USP4: variants seen among roughly 807,000 people sequenced by gnomAD.
USP4 encodes the protein ubiquitin carboxyl-terminal hydrolase 4.
Under a neutral mutation model 118.2 loss-of-function variants are expected in USP4, and 72 were observed. The ratio of observed to expected loss-of-function variants is 0.61; its 90% CI spans 0.50 to 0.74. The LOEUF is 0.74. Ranked by LOEUF, USP4 falls within the 30% of genes least tolerant of loss-of-function variation. The probability of loss-of-function intolerance (pLI) is 0.00; values close to 1 mark genes in which losing one functional copy is unlikely to be tolerated. For synonymous variants in USP4, 415 were observed against 440.4 expected (o/e 0.94, Z 0.72); for missense variants, 1,037 against 1,185.7 (o/e 0.87, Z 1.84).
chr3:49,324,404 A>C (rs1427037070), intron 6 of USP4, among the ~76,000 whole-genome samples: 1 of 152,152 alleles, frequency 6.6e-6, no homozygotes, highest in Non-Finnish European at 1.5e-5. Context: ...GACAAAAACA[A>C]AGCAACCTCC....
intron 11 of USP4, among the ~76,000 whole-genome samples, chr3:49,298,844 G>GGC (rs2047235396): frequency 6.6e-6 from 1 of 152,166 alleles, no homozygotes; most frequent in South Asian, 2.1e-4. Context: ...ATGGGGGCTA[G>GGC]GCCATCTCTT....
chr3:49,311,846 G>A (rs1438015780), intron 6 of USP4, 192 bp from the exon 7 acceptor site: 2 of 1,282,648 alleles, frequency 1.6e-6, no homozygotes, highest in African/African-American at 3.0e-5. Flanking sequence ...TGGTCTTCCT[G>A]TCACATCAGT....
chr3:49,283,094 C>T (rs1329981419), intron 19 of USP4, among the ~76,000 whole-genome samples: 1 of 142,510 alleles, frequency 7.0e-6, no homozygotes, highest in Non-Finnish European at 1.5e-5. Context: ...TGGCTCACTG[C>T]AACTTTTGCC....
chr3:49,290,066 G>A (rs2107770802), intron 15 of USP4, among the ~76,000 whole-genome samples: 1 of 152,220 alleles, frequency 6.6e-6, no homozygotes, highest in East Asian at 1.9e-4. Context: ...AGGCTGCAGT[G>A]AGCCATGATT....
At chr3:49,307,560 G>C (rs996266478) in intron 8 of USP4, among the ~76,000 whole-genome samples, 1 of 152,016 alleles carries the variant, frequency 6.6e-6, no homozygotes, top group African/African-American at 2.4e-5. Flanking sequence ...AAATCACTGG[G>C]AAACAGGTGT....
At chr3:49,307,730 G>A (rs2047333545) in intron 8 of USP4, among the ~76,000 whole-genome samples, 1 of 152,076 alleles carries the variant, frequency 6.6e-6, no homozygotes, top group African/African-American at 2.4e-5. Flanking sequence ...GACTGCTTAA[G>A]GCCAGGAGTT....
intron 1 of USP4, among the ~76,000 whole-genome samples, chr3:49,337,776 G>A (rs553155700): frequency 2.0e-5 from 3 of 151,448 alleles, no homozygotes; most frequent in Non-Finnish European, 4.4e-5. Flanking sequence ...GGCCGGGAGC[G>A]GTGGCTCACG....
Position 49,340,025 on chromosome 3 carries a change from C to A in USP4, c.-1G>T. On this transcript the variant is annotated 5_prime_UTR_variant, in exon 1 of 22. Coordinates refer to ENST00000265560, the MANE Select transcript of USP4 (RefSeq NM_003363.4). ...CACGGCAGCCTCCACCTTCCGCCATCTCCTCCGCGGCCCCGGCCCAGCCGG... is the reference window on the plus strand; with the variant it reads ...CACGGCAGCCTCCACCTTCCGCCATATCCTCCGCGGCCCCGGCCCAGCCGG... 6.2e-7 allele frequency: 1 copy of A among 1,606,066 alleles called. No individual in the cohort carries two copies. The highest frequency in any genetic ancestry group is 1.1e-5 in the South Asian group (1 of 91,066).
intron 11 of USP4, among the ~76,000 whole-genome samples, chr3:49,299,858 C>G (rs760043488): frequency 1.3e-5 from 2 of 152,160 alleles, no homozygotes; most frequent in East Asian, 3.9e-4. Flanking sequence ...TATCTGAGTA[C>G]GAAAAGAACC....
chr3:49,305,054 G>A (rs915221250), intron 9 of USP4, among the ~76,000 whole-genome samples: 13 of 148,150 alleles, frequency 8.8e-5, no homozygotes, highest in Non-Finnish European at 1.2e-4. Flanking sequence ...GAGCCACCAC[G>A]CCTGGACTTT....
rs1486556004 is a variant in USP4, at chr3:49,286,182, G to C, written c.2116C>G (p.Leu706Val). The C allele has an allele frequency of 1.2e-6, 2 of 1,614,012 alleles. No individual in the cohort carries two copies. The highest frequency in any genetic ancestry group is 2.7e-5 in the African/African-American group (2 of 74,908). Residue 706 changes from leucine (L) to valine (V), a missense_variant, in exon 16 of 22, where the codon CTT becomes GTT. Around this residue, in one of 3 missense-constraint regions of USP4, gnomAD observed 522 missense variants for 592.6 expected, o/e 0.88. Transcript: ENST00000265560. The stretch of plus-strand genomic sequence containing the variant: ...GAGTTCACAAGACTGAAGGTAAAAA[G>C]CCTTTTTGGGCAGGGCTGGCCTTTG... ...KIKGQPCPKR[L>V]FTFSLVNSYG... is the part of the protein sequence containing the mutation.
intron 6 of USP4, among the ~76,000 whole-genome samples, chr3:49,316,357 A>G (rs2107791961): frequency 6.6e-6 from 1 of 152,140 alleles, no homozygotes; most frequent in African/African-American, 2.4e-5. Flanking sequence ...GTCCAATCTC[A>G]GCTCACTGCA....
intron 6 of USP4, among the ~76,000 whole-genome samples, chr3:49,320,377 G>T (rs537562383): frequency 6.6e-6 from 1 of 152,310 alleles, no homozygotes; most frequent in African/African-American, 2.4e-5. Context: ...GGGAGGCAGA[G>T]GTTGCAGTGA....
At chr3:49,298,467 A>C in intron 12 of USP4, 85 bp downstream of exon 12, 1 of 1,343,960 alleles carries the variant, frequency 7.4e-7, no homozygotes, top group South Asian at 1.2e-5. Context: ...AACAACCCCA[A>C]AAAGTGGCTT....
chr3:49,305,962 A>AAGGGTC, intron 8 of USP4, 74 bp from the exon 9 acceptor site: 1 of 1,434,012 alleles, frequency 7.0e-7, no homozygotes, highest in East Asian at 2.5e-5. Flanking sequence ...TCAAGTTCTA[A>AAGGGTC]AGGGTCACTG....
rs375272858 is a variant in USP4 at position 49,327,692 on chromosome 3, G to C, written c.354C>G (p.Val118=). Reference sequence around the variant, plus strand: ...GACAATTCACATAACTCACTTTTCTGACGATGGGTTGCTGGCCTTCTACAC... The same window carrying C: ...GACAATTCACATAACTCACTTTTCTCACGATGGGTTGCTGGCCTTCTACAC... ...YGCVEGQQPI[V]RKVVEHGLFV... is the part of the protein sequence containing the mutation. The change falls in exon 3 of 22, where the codon GTC becomes GTG. Residue 118 remains valine, a synonymous_variant. Transcript: ENST00000265560. 1.9e-6 allele frequency: 3 copies of C among 1,613,956 alleles called. No individual in the cohort carries two copies. In the African/African-American group the frequency reaches 4.0e-5, roughly 22 times the overall value.
At chr3:49,336,458 G>A (rs1191431348) in intron 1 of USP4, among the ~76,000 whole-genome samples, 5 of 151,986 alleles carry the variant, frequency 3.3e-5, no homozygotes, top group African/African-American at 1.2e-4. Context: ...ACATGCATGA[G>A]CTACCACACT....
intron 19 of USP4, among the ~76,000 whole-genome samples, chr3:49,283,212 C>T (rs552281775): frequency 1.3e-4 from 19 of 151,776 alleles, no homozygotes; most frequent in South Asian, 2.1e-4. Flanking sequence ...GATGGGGTTT[C>T]ACCATGTTGG....
intron 8 of USP4, 136 bp from the exon 9 acceptor site, chr3:49,306,024 G>C (rs137895649): frequency 1.2e-6 from 1 of 858,548 alleles, no homozygotes; most frequent in Admixed American, 3.6e-5. Context: ...GAAGGCTCAC[G>C]ACAGTAAAGC....
Sources: gnomAD v4.1 joint callset for allele counts (sites outside exome capture counted in the v4.1 genomes callset) on GRCh38, gnomAD v4.1.1 for gene constraint, gnomAD v4.1.1 regional missense constraint, MANE v1.5 for transcripts, NCBI Gene and HGNC (gene_info 2026-07-23, HGNC 2026-07-21) for gene names.